Variants in TPRG1 observed in about 807,000 individuals in gnomAD.
TPRG1 encodes the protein tumor protein p63-regulated gene 1 protein.
A neutral mutation model predicts 29.3 loss-of-function variants in TPRG1; 29 were observed. The observed-to-expected ratio is 0.99, with a 90% CI of 0.74 to 1.35. The LOEUF is 1.35. Ranked by LOEUF, TPRG1 falls within the 40% of genes most tolerant of loss-of-function variation. The pLI is 0.00. For synonymous variants in TPRG1, 130 were observed against 116.8 expected (o/e 1.11, Z -0.73); for missense variants, 327 against 335.0 (o/e 0.98, Z 0.19).
chr3:189,094,221 G>A (rs558438497), intron 4 of TPRG1, among the ~76,000 whole-genome samples: 11 of 152,268 alleles, frequency 7.2e-5, no homozygotes, highest in African/African-American at 1.9e-4. Context: ...ACAGGGTAGC[G>A]TATGAAGTAA....
At chr3:189,148,163 T>G (rs1246353493) in intron 4 of TPRG1, among the ~76,000 whole-genome samples, 3 of 152,186 alleles carry the variant, frequency 2.0e-5, no homozygotes, top group Non-Finnish European at 4.4e-5. Flanking sequence ...TTCTGCTCCC[T>G]CCTGATTGGT....
chr3:189,233,976 C>T (rs1739067553), intron 3 of TPRG1, among the ~76,000 whole-genome samples: 1 of 152,116 alleles, frequency 6.6e-6, no homozygotes, highest in African/African-American at 2.4e-5. Context: ...ACTGAAGTGG[C>T]CCTCTCACCT....
chr3:189,042,993 A>G (rs989712915), intron 4 of TPRG1, among the ~76,000 whole-genome samples: 10 of 152,132 alleles, frequency 6.6e-5, no homozygotes, highest in Non-Finnish European at 1.3e-4. Context: ...GTAACCAGAG[A>G]CAATGACCAC....
intron 1 of TPRG1, among the ~76,000 whole-genome samples, chr3:189,175,339 A>T (rs1485108648): frequency 6.6e-6 from 1 of 152,174 alleles, no homozygotes; most frequent in African/African-American, 2.4e-5. Flanking sequence ...CCAAGTCAAT[A>T]CTATTTGAAG....
rs187502781 is a variant in TPRG1 at position 189,154,655 on chromosome 3, C to T, written c.-10+3783C>T. Among the ~76,000 whole-genome samples the T allele has an allele frequency of 5.1e-3, 779 of 152,144 alleles. 8 individuals are homozygous for T. The highest frequency in any genetic ancestry group is 0.018 in the African/African-American group (754 of 41,480). On this transcript the variant is annotated intron_variant, in intron 5 of 6. Coordinates refer to the TPRG1 transcript ENST00000412373. ...ATGGGGTTTCACTATGTTGGCCAGG[C>T]TGCTCTCAAACTCCTGACCTCAGGT...
intron 4 of TPRG1, among the ~76,000 whole-genome samples, chr3:189,253,380 T>C (rs1742586127): frequency 6.6e-6 from 1 of 152,212 alleles, no homozygotes; most frequent in African/African-American, 2.4e-5. Flanking sequence ...GTTAGTTTGC[T>C]GAGAATGATG....
intron 4 of TPRG1, among the ~76,000 whole-genome samples, chr3:189,270,439 G>A (rs1714920445): frequency 6.6e-6 from 1 of 152,230 alleles, no homozygotes. Context: ...AAGTGCTCCA[G>A]TGGTAGACTG....
chr3:189,267,264 C>G (rs1328619736), intron 4 of TPRG1, among the ~76,000 whole-genome samples: 2 of 152,088 alleles, frequency 1.3e-5, no homozygotes, highest in African/African-American at 4.8e-5. Flanking sequence ...TACCATCTAG[C>G]CTTGTGTAGG....
chr3:189,204,932 G>GTCTC (rs141862299), intron 1 of TPRG1, among the ~76,000 whole-genome samples: 5 of 135,074 alleles, frequency 3.7e-5, no homozygotes, highest in African/African-American at 1.4e-4. Flanking sequence ...CTGTCTCTAT[G>GTCTC]TCTCTCTCTC....
intron 5 of TPRG1, among the ~76,000 whole-genome samples, chr3:189,166,962 A>G (rs1413561815): frequency 3.9e-5 from 6 of 152,198 alleles, no homozygotes; most frequent in Non-Finnish European, 2.9e-5. Context: ...TGTGGACCCC[A>G]AAGATGCAGA....
At chr3:189,016,797 C>A (rs1218040044) in intron 3 of TPRG1, among the ~76,000 whole-genome samples, 1 of 152,182 alleles carries the variant, frequency 6.6e-6, no homozygotes, top group African/African-American at 2.4e-5. Context: ...TCCCCTTCAC[C>A]TTCTGCCATG....
At chr3:189,067,035 T>C (rs1204110075) in intron 4 of TPRG1, among the ~76,000 whole-genome samples, 1 of 151,950 alleles carries the variant, frequency 6.6e-6, no homozygotes, top group Admixed American at 6.6e-5. Context: ...GAGTGAGCAA[T>C]CTGAAAAAAG....
chr3:189,049,230 G>A (rs1715157403), intron 4 of TPRG1, among the ~76,000 whole-genome samples: 1 of 152,228 alleles, frequency 6.6e-6, no homozygotes. Context: ...GCAGCTGGGA[G>A]GCAGATAGCC....
At chr3:189,022,327 G>A (rs1309333850) in intron 3 of TPRG1, among the ~76,000 whole-genome samples, 1 of 146,206 alleles carries the variant, frequency 6.8e-6, no homozygotes, top group Admixed American at 6.8e-5. Flanking sequence ...AGAGTTTCCA[G>A]TTTTTCTGTT....
intron 1 of TPRG1, among the ~76,000 whole-genome samples, chr3:189,182,002 G>A (rs1730294290): frequency 6.6e-6 from 1 of 152,154 alleles, no homozygotes; most frequent in Admixed American, 6.6e-5. Context: ...TTTGGGCAGG[G>A]TAACTCCTCT....
At chr3:189,007,760 A>AATTGGAAACCATCATTCTCAGTAAACT (rs1712370592) in intron 3 of TPRG1, among the ~76,000 whole-genome samples, 1 of 140,242 alleles carries the variant, frequency 7.1e-6, no homozygotes, top group Non-Finnish European at 1.5e-5. Context: ...ACATGGATGA[A>AATTGGAAACCATCATTCTCAGTAAACT]ATTGGAAACC....
chr3:189,062,202 C>A (rs1290749643), intron 4 of TPRG1, among the ~76,000 whole-genome samples: 1 of 152,082 alleles, frequency 6.6e-6, no homozygotes, highest in Non-Finnish European at 1.5e-5. Flanking sequence ...AGTCAAATAC[C>A]ACGTGTTCTC....
At chr3:189,149,292 A>C (rs1560488966) in intron 4 of TPRG1, among the ~76,000 whole-genome samples, 1 of 152,178 alleles carries the variant, frequency 6.6e-6, no homozygotes, top group Non-Finnish European at 1.5e-5. Context: ...ATTCATGTTA[A>C]GTATCTACAG....
At chr3:189,224,134 A>G (rs1430423603) in intron 3 of TPRG1, among the ~76,000 whole-genome samples, 1 of 152,220 alleles carries the variant, frequency 6.6e-6, no homozygotes, top group Non-Finnish European at 1.5e-5. Flanking sequence ...TTAGGTAAAG[A>G]AGACATCAAG....
Sources: gnomAD v4.1 joint callset for allele counts (sites outside exome capture counted in the v4.1 genomes callset) on GRCh38, gnomAD v4.1.1 for gene constraint, MANE v1.5 for transcripts, NCBI Gene and HGNC (gene_info 2026-07-23, HGNC 2026-07-21) for gene names.